The following C12orf42 variants were observed in gnomAD, a reference collection of about 807,000 sequenced individuals.
C12orf42 encodes uncharacterized protein C12orf42.
In C12orf42, 25 loss-of-function variants were observed where a neutral mutation model predicts 21.6. The observed-to-expected ratio is 1.16, with a 90% CI of 0.84 to 1.62. The LOEUF (loss-of-function observed/expected upper bound fraction) is 1.62. Among genes scored for constraint, C12orf42 ranks in the 40% most tolerant of loss-of-function variants. C12orf42 has a pLI of 0.00. For synonymous variants in C12orf42, 174 were observed against 175.0 expected (o/e 0.99, Z 0.05); for missense variants, 483 against 459.3 (o/e 1.05, Z -0.47).
the C12orf42 span, among the ~76,000 whole-genome samples, chr12:103,108,706 T>C: frequency 1.3e-5 from 2 of 152,148 alleles, no homozygotes; most frequent in Admixed American, 1.3e-4. Flanking sequence ...GTGCCAGTTA[T>C]CAAGTTCTAT....
downstream of C12orf42, chr12:103,267,558 GAATT>G (rs1412523533): frequency 5.3e-5 from 8 of 152,006 alleles, no homozygotes; most frequent in East Asian, 1.2e-3. Flanking sequence ...AATACAATTA[GAATT>G]AATAAAATAA....
At chr12:103,362,107 A>AC (rs1452150558) in intron 4 of C12orf42, among the ~76,000 whole-genome samples, 1 of 152,116 alleles carries the variant, frequency 6.6e-6, no homozygotes, top group African/African-American at 2.4e-5. Context: ...AGTCCATTTT[A>AC]CCCCCCTGCC....
At chr12:103,089,228 C>T in the C12orf42 span, among the ~76,000 whole-genome samples, 1 of 151,316 alleles carries the variant, frequency 6.6e-6, no homozygotes, top group Admixed American at 6.6e-5. Context: ...TTGACAAAAA[C>T]CTCATGAGAG....
chr12:103,145,141 CA>C, the C12orf42 span, among the ~76,000 whole-genome samples: 4 of 152,090 alleles, frequency 2.6e-5, no homozygotes, highest in African/African-American at 9.7e-5. Context: ...CCCGTCTCCC[CA>C]AAAAACTCAA....
the C12orf42 span, among the ~76,000 whole-genome samples, chr12:103,141,529 C>CTTT: frequency 3.6e-3 from 447 of 125,752 alleles, 8 homozygotes; most frequent in African/African-American, 9.5e-3. Context: ...AATAATAACA[C>CTTT]TTTTTTTTTT....
chr12:103,226,372 A>G, the C12orf42 span, among the ~76,000 whole-genome samples: 1 of 152,120 alleles, frequency 6.6e-6, no homozygotes, highest in Non-Finnish European at 1.5e-5. Context: ...TCGGGAGCAG[A>G]TTGGGTAATA....
At chr12:103,117,212 C>A in the C12orf42 span, among the ~76,000 whole-genome samples, 39 of 152,304 alleles carry the variant, frequency 2.6e-4, 1 homozygote, top group Non-Finnish European at 4.6e-4. Flanking sequence ...CCCTTTCCAG[C>A]CTTTCCAGCT....
At chr12:103,290,313 T>C (rs2136358880) in intron 4 of C12orf42, among the ~76,000 whole-genome samples, 1 of 152,274 alleles carries the variant, frequency 6.6e-6, no homozygotes, top group Middle Eastern at 3.4e-3. Context: ...CTCCTTCCTC[T>C]AGCCAACTCC....
chr12:103,389,035 G>A (rs916029346), intron 3 of C12orf42, among the ~76,000 whole-genome samples: 2 of 152,200 alleles, frequency 1.3e-5, no homozygotes, highest in African/African-American at 4.8e-5. Context: ...GATGACAGTT[G>A]TGCTTGGCAA....
At chr12:103,077,803 G>T in the C12orf42 span, among the ~76,000 whole-genome samples, 5 of 152,126 alleles carry the variant, frequency 3.3e-5, no homozygotes, top group African/African-American at 1.2e-4. Context: ...TTCCATCTGG[G>T]TCATTAGCAC....
the C12orf42 span, among the ~76,000 whole-genome samples, chr12:103,533,452 T>C: frequency 6.6e-6 from 1 of 152,148 alleles, no homozygotes; most frequent in Non-Finnish European, 1.5e-5. Context: ...TTCTCTCTGG[T>C]CCCAATTTTC....
the C12orf42 span, among the ~76,000 whole-genome samples, chr12:103,111,782 G>A: frequency 1.3e-5 from 2 of 152,174 alleles, no homozygotes; most frequent in Non-Finnish European, 1.5e-5. Context: ...AATTTTAAGA[G>A]TCATGACTCC....
chr12:103,132,203 T>C, the C12orf42 span, among the ~76,000 whole-genome samples: 1 of 152,164 alleles, frequency 6.6e-6, no homozygotes, highest in Admixed American at 6.5e-5. Context: ...AATTAGCAGG[T>C]AGGTAATCAC....
Position 103,425,300 on chromosome 12 carries a change from G to C in C12orf42, c.79-23625C>G, listed in dbSNP as rs1949713781. Reference sequence around the variant, plus strand: ...CATTCCTGCCTGCCAGCTCTAAAGAGAGCAGCGGATCTCCCAGCACAGTGC... The same window carrying C: ...CATTCCTGCCTGCCAGCTCTAAAGACAGCAGCGGATCTCCCAGCACAGTGC... On this transcript the variant is annotated intron_variant, in intron 2 of 5. Coordinates refer to ENST00000548883, the MANE Select transcript of C12orf42 (RefSeq NM_198521.5). Among the ~76,000 whole-genome samples, 2 of 152,192 alleles carry C rather than the reference G, an allele frequency of 1.3e-5. 1 individual carries two copies. Among genetic ancestry groups the C allele is most frequent in the African/African-American group, 4.8e-5 (2 of 41,444 alleles).
At chr12:103,214,361 TG>T in the C12orf42 span, among the ~76,000 whole-genome samples, 32 of 152,342 alleles carry the variant, frequency 2.1e-4, no homozygotes, top group African/African-American at 5.1e-4. Context: ...GCTTGTTGAA[TG>T]ATGTCTATCT....
At chr12:103,066,307 G>A in the C12orf42 span, among the ~76,000 whole-genome samples, 1 of 152,174 alleles carries the variant, frequency 6.6e-6, no homozygotes, top group Admixed American at 6.5e-5. Context: ...TGGTATACAC[G>A]TGACTGGGCT....
the C12orf42 span, among the ~76,000 whole-genome samples, chr12:103,199,622 C>T: frequency 6.6e-6 from 1 of 152,064 alleles, no homozygotes; most frequent in Non-Finnish European, 1.5e-5. Flanking sequence ...AGCAAAAAAA[C>T]AAATAACCTA....
chr12:103,490,532 T>C (rs150524095), intron 1 of C12orf42, among the ~76,000 whole-genome samples: 128 of 152,200 alleles, frequency 8.4e-4, no homozygotes, highest in African/African-American at 2.9e-3. Context: ...GTGAGCAATG[T>C]TATTTGCAAT....
intron 2 of C12orf42, among the ~76,000 whole-genome samples, chr12:103,419,791 G>T (rs559839621): frequency 2.0e-5 from 3 of 152,036 alleles, no homozygotes; most frequent in Non-Finnish European, 2.9e-5. Context: ...TGGATACCTC[G>T]TCATAGCTCT....
Sources: gnomAD v4.1 joint callset for allele counts (sites outside exome capture counted in the v4.1 genomes callset) on GRCh38, gnomAD v4.1.1 for gene constraint, MANE v1.5 for transcripts, NCBI Gene and HGNC (gene_info 2026-07-23, HGNC 2026-07-21) for gene names.